PBRM1: variants seen among roughly 807,000 people sequenced by gnomAD.
PBRM1 encodes protein polybromo-1.
Under a neutral mutation model 194.5 loss-of-function variants are expected in PBRM1, and 27 were observed. That is an observed-to-expected ratio of 0.14 (90% CI 0.10 to 0.19). PBRM1 has a LOEUF of 0.19. Among genes scored for constraint, PBRM1 ranks in the 10% least tolerant of loss-of-function variants. The pLI is 1.00. For missense variants in PBRM1, 1,466 were observed against 2,077.2 expected, an observed-to-expected ratio of 0.71 and a Z score of 5.72; for synonymous variants, 655 against 693.2, an observed-to-expected ratio of 0.94 and a Z score of 0.87.
exon 22 of PBRM1, chr3:52,576,565 T>C (rs776585540): frequency 2.2e-5 from 36 of 1,605,344 alleles, no homozygotes; most frequent in Non-Finnish European, 2.9e-5. Context: ...ATGGGGCAGG[T>C]TTCTTCCAGA....
intron 22 of PBRM1, among the ~76,000 whole-genome samples, chr3:52,566,010 A>C (rs927292930): frequency 2.6e-5 from 4 of 152,138 alleles, no homozygotes; most frequent in African/African-American, 9.7e-5. Context: ...AGATTGCGCC[A>C]CTGCACTCCA....
intron 11 of PBRM1, among the ~76,000 whole-genome samples, chr3:52,629,438 T>A (rs1188032803): frequency 6.6e-6 from 1 of 152,170 alleles, no homozygotes; most frequent in African/African-American, 2.4e-5. Flanking sequence ...ATCATGGTGA[T>A]CTACCCATTT....
chr3:52,556,013 C>G (rs1295184222), intron 26 of PBRM1, among the ~76,000 whole-genome samples: 1 of 152,164 alleles, frequency 6.6e-6, no homozygotes. Flanking sequence ...CCTTTGGTCA[C>G]AGCTTCTTGC....
chr3:52,554,837 C>T, exon 27 of PBRM1: 1 of 1,599,434 alleles, frequency 6.3e-7, no homozygotes. Context: ...ATCAACTGGG[C>T]CCTGCAAAGG....
At chr3:52,676,067 A>C (rs2097093515) in intron 2 of PBRM1, among the ~76,000 whole-genome samples, 1 of 93,816 alleles carries the variant, frequency 1.1e-5, no homozygotes, top group African/African-American at 4.5e-5. Flanking sequence ...GTGAGCCGAG[A>C]TCCCGCCACT....
chr3:52,666,017 T>C (rs1482141541), intron 3 of PBRM1, among the ~76,000 whole-genome samples: 2 of 152,160 alleles, frequency 1.3e-5, no homozygotes, highest in Non-Finnish European at 2.9e-5. Context: ...AAAGATTATC[T>C]ATAGATGTTA....
intron 10 of PBRM1, among the ~76,000 whole-genome samples, chr3:52,636,760 A>AAAAAAAAAAAAAAAG (rs2095834330): frequency 7.5e-6 from 1 of 133,826 alleles, no homozygotes; most frequent in African/African-American, 2.7e-5. Context: ...CTGTCTCCAA[A>AAAAAAAAAAAAAAAG]AAAAAAAAAA....
intron 21 of PBRM1, among the ~76,000 whole-genome samples, chr3:52,578,517 C>T (rs973915387): frequency 5.3e-5 from 8 of 152,224 alleles, no homozygotes; most frequent in Non-Finnish European, 7.3e-5. Flanking sequence ...CTACCCAACC[C>T]TATACCAGAC....
upstream of PBRM1, chr3:52,681,096 T>C (rs1171731988): frequency 3.3e-5 from 5 of 150,856 alleles, no homozygotes; most frequent in Non-Finnish European, 5.9e-5. Context: ...AGGAACCTCA[T>C]AGAACTAGAG....
intron 15 of PBRM1, among the ~76,000 whole-genome samples, chr3:52,611,253 A>C (rs1461319585): frequency 6.6e-6 from 1 of 152,268 alleles, no homozygotes; most frequent in African/African-American, 2.4e-5. Context: ...TCTATAGCTA[A>C]TAAGGAATAA....
intron 7 of PBRM1, 57 bp from the exon 9 acceptor site, chr3:52,644,846 G>A: frequency 1.2e-6 from 1 of 806,188 alleles, no homozygotes. Flanking sequence ...ACAGCTTAAT[G>A]CCCCCAACTC....
intron 17 of PBRM1, among the ~76,000 whole-genome samples, chr3:52,601,524 G>A (rs745654706): frequency 4.6e-5 from 7 of 152,096 alleles, no homozygotes; most frequent in African/African-American, 7.2e-5. Context: ...CGGAGCTCAG[G>A]GGGTAATGTT....
At chr3:52,589,111 G>T in exon 18 of PBRM1, 1 of 1,613,688 alleles carries the variant, frequency 6.2e-7, no homozygotes. Flanking sequence ...GACGATATGT[G>T]GTTGTAGGTT....
intron 4 of PBRM1, 81 bp downstream of exon 5, chr3:52,662,052 A>G (rs2096736294): frequency 5.0e-6 from 7 of 1,413,236 alleles, no homozygotes; most frequent in Non-Finnish European, 6.8e-6. Context: ...GTTGCCCACA[A>G]CAGCCCAGAG....
chr3:52,683,675 C>T (rs557570519), upstream of PBRM1, among the ~76,000 whole-genome samples: 7 of 151,572 alleles, frequency 4.6e-5, no homozygotes, highest in South Asian at 1.5e-3. Context: ...ATTATCTAGG[C>T]AAGGTGGTGG....
intron 16 of PBRM1, among the ~76,000 whole-genome samples, chr3:52,604,223 C>G (rs778025940): frequency 5.9e-5 from 9 of 152,160 alleles, no homozygotes; most frequent in Non-Finnish European, 1.3e-4. Context: ...CTGTGAATAT[C>G]GGAACCTAAA....
rs150637258 is a variant in PBRM1 at position 52,609,393 on chromosome 3, A to C, written c.2487T>G (p.Val829=). The C allele has an allele frequency of 5.0e-6, 8 of 1,613,806 alleles. No homozygotes were observed. The African/African-American group carries it at 9.3e-5, about 19-fold the overall frequency. ...CAAGCCGACGGTAGCGATTATTTTCAACATTCTTCCTAATTATGTCAAATG... is the reference window on the plus strand; with the variant it reads ...CAAGCCGACGGTAGCGATTATTTTCCACATTCTTCCTAATTATGTCAAATG... The change falls in exon 16 of 30, where the codon GTT becomes GTG. Residue 829 remains valine, a synonymous_variant. Coordinates refer to ENST00000296302, the Ensembl canonical transcript of PBRM1. This position sits in a 1 kb window ranked among gnomAD's most constrained non-coding sequence, Gnocchi z 4.1.
At chr3:52,581,745 T>C (rs572577257) in intron 20 of PBRM1, among the ~76,000 whole-genome samples, 12 of 151,916 alleles carry the variant, frequency 7.9e-5, no homozygotes, top group Admixed American at 3.3e-4. Flanking sequence ...TCAAGTGATT[T>C]TCCTGCCTCA....
chr3:52,657,981 TG>T lies in PBRM1; in HGVS notation c.645+217del, dbSNP rs146540717. Among the ~76,000 whole-genome samples the T allele has an allele frequency of 4.5e-3, 687 of 151,446 alleles. 4 individuals are homozygous for T. Among genetic ancestry groups the T allele is most frequent in the African/African-American group, 0.016 (642 of 41,256 alleles). On this transcript the variant is annotated intron_variant, in intron 5 of 29. Coordinates refer to ENST00000296302, the Ensembl canonical transcript of PBRM1. The stretch of plus-strand genomic sequence containing the variant: ...TAATTTTTTGTATTTTTAGTAGAGA[TG>T]GGGTTTCTCCATGTTGATCGGGATG...
Sources: allele counts gnomAD v4.1 joint callset (sites outside exome capture counted in the v4.1 genomes callset), GRCh38; gene constraint gnomAD v4.1.1; non-coding constraint Gnocchi (gnomAD v3.1); transcripts MANE v1.5; gene names NCBI Gene and HGNC (gene_info 2026-07-23, HGNC 2026-07-21).